Variants in SLC22A23 observed in about 807,000 individuals in gnomAD.
The protein encoded by SLC22A23 is solute carrier family 22 member 23.
In SLC22A23, 26 loss-of-function variants were observed where a neutral mutation model predicts 61.0. That is an observed-to-expected ratio of 0.43 (90% CI 0.31 to 0.59). The LOEUF is 0.59. Among genes scored for constraint, SLC22A23 ranks in the 20% least tolerant of loss-of-function variants. The pLI is 0.11. For synonymous variants in SLC22A23, 430 were observed against 413.9 expected (o/e 1.04, Z -0.47); for missense variants, 796 against 934.7 (o/e 0.85, Z 1.94).
intron 9 of SLC22A23, among the ~76,000 whole-genome samples, chr6:3,275,245 G>A (rs1758786403): frequency 6.6e-6 from 1 of 152,126 alleles, no homozygotes; most frequent in Non-Finnish European, 1.5e-5. Flanking sequence ...AGGTGGTGCT[G>A]GGACAACAGG....
chr6:3,323,399 G>A, intron 4 of SLC22A23: 1 of 455,384 alleles, frequency 2.2e-6, no homozygotes, highest in South Asian at 1.6e-5. Flanking sequence ...GTGGCCCACA[G>A]GCTGAAGGTT....
At chr6:3,303,492 A>G (rs1325777041) in intron 4 of SLC22A23, 2 of 152,242 alleles carry the variant, frequency 1.3e-5, no homozygotes, top group Non-Finnish European at 2.9e-5. Flanking sequence ...TGTGGTATAT[A>G]TACACAATGG....
chr6:3,360,538 C>T lies in SLC22A23; in HGVS notation c.914-36536G>A, dbSNP rs891474382. Among the ~76,000 whole-genome samples the T allele has an allele frequency of 1.3e-4, 20 of 152,240 alleles. No homozygotes were observed. Among genetic ancestry groups the T allele is most frequent in the Non-Finnish European group, 7.3e-5 (5 of 68,046 alleles). On this transcript the variant is annotated intron_variant, in intron 3 of 9. Coordinates refer to ENST00000406686, the MANE Select transcript of SLC22A23 (RefSeq NM_015482.2). The surrounding 1 kb of genome is among the most constrained non-coding windows in gnomAD (Gnocchi z 4.6). The stretch of plus-strand genomic sequence containing the variant: ...ATTCTCATAGTCGGGTTTCAGGCAA[C>T]GGCTCAACCGTGGAGGGAGGTCACT...
At chr6:3,284,869 G>A in intron 8 of SLC22A23, 1 of 1,526,922 alleles carries the variant, frequency 6.5e-7, no homozygotes, top group Non-Finnish European at 8.8e-7. Flanking sequence ...CACACAAACA[G>A]GGAAGCACCA....
chr6:3,336,186 C>A (rs924757828), intron 3 of SLC22A23, among the ~76,000 whole-genome samples: 3 of 152,076 alleles, frequency 2.0e-5, no homozygotes, highest in South Asian at 4.2e-4. Context: ...TCACCTAACT[C>A]AGCAGTTAAG....
intron 3 of SLC22A23, among the ~76,000 whole-genome samples, chr6:3,398,680 C>T (rs1313474398): frequency 6.6e-6 from 1 of 151,890 alleles, no homozygotes; most frequent in African/African-American, 2.4e-5. Context: ...TGCAACCCTC[C>T]CTGCCTCCTC....
chr6:3,391,069 G>A (rs139318491), intron 3 of SLC22A23, among the ~76,000 whole-genome samples: 61 of 152,242 alleles, frequency 4.0e-4, no homozygotes, highest in African/African-American at 1.2e-3. Flanking sequence ...CTTCTCTCAC[G>A]GAGCTACAAT....
rs1274491515 is a variant in SLC22A23, at chr6:3,334,509, T to TC, written c.914-10508dup. Among the ~76,000 whole-genome samples, 8 of 151,708 alleles carry TC rather than the reference T, an allele frequency of 5.3e-5. No individual in the cohort carries two copies. In the South Asian group the frequency reaches 1.0e-3, roughly 20 times the overall value. On this transcript the variant is annotated intron_variant, in intron 3 of 9. Transcript: ENST00000406686. ...AGCAGGCATGTGACTTTTTTTTTTT[T>TC]CAATGAAAAAAAAGAGTTCTTCCAA...
Position 3,286,637 on chromosome 6 carries a change from C to T in SLC22A23, c.1546+222G>A, listed in dbSNP as rs1760031674. On this transcript the variant is annotated intron_variant, in intron 7 of 9. Coordinates refer to ENST00000406686, the MANE Select transcript of SLC22A23 (RefSeq NM_015482.2). The surrounding 1 kb of genome is among the most constrained non-coding windows in gnomAD (Gnocchi z 4.2). ...CCAGGACTCGGAAGGAATCATGGTG[C>T]AGCCCGGGCCGGGGCAGGGGCAGGG... Among the ~76,000 whole-genome samples, 1 of 152,230 alleles carries T rather than the reference C, an allele frequency of 6.6e-6. No homozygotes were observed. The highest frequency in any genetic ancestry group is 2.4e-5 in the African/African-American group (1 of 41,462).
At chr6:3,296,031 A>G (rs1003341231) in intron 5 of SLC22A23, among the ~76,000 whole-genome samples, 51 of 152,246 alleles carry the variant, frequency 3.3e-4, no homozygotes, top group African/African-American at 1.1e-3. Flanking sequence ...AATCAGTGTA[A>G]TTAGGATTTG....
chr6:3,362,863 T>TG (rs60377252), intron 3 of SLC22A23, among the ~76,000 whole-genome samples: 106,738 of 152,032 alleles, frequency 0.7, 37,706 homozygotes, highest in East Asian at 0.84. Context: ...AATGGGGTGG[T>TG]GGGACAGGGG....
intron 3 of SLC22A23, among the ~76,000 whole-genome samples, chr6:3,335,587 C>T (rs1763807410): frequency 6.6e-6 from 1 of 152,180 alleles, no homozygotes; most frequent in Non-Finnish European, 1.5e-5. Context: ...GGTGACTCGA[C>T]AGGTCACACT....
intron 3 of SLC22A23, chr6:3,377,982 C>A (rs1327731219): frequency 1.3e-5 from 2 of 152,220 alleles, no homozygotes; most frequent in Non-Finnish European, 2.9e-5. Flanking sequence ...CTCCTGGGAG[C>A]AATTCCTCCA....
chr6:3,356,416 A>T (rs111712370), intron 3 of SLC22A23, among the ~76,000 whole-genome samples: 3 of 152,006 alleles, frequency 2.0e-5, no homozygotes, highest in African/African-American at 7.2e-5. Flanking sequence ...CAGCGACCTC[A>T]TCCAAGGGGC....
intron 2 of SLC22A23, among the ~76,000 whole-genome samples, chr6:3,415,066 T>G (rs915341692): frequency 6.6e-6 from 1 of 152,218 alleles, no homozygotes; most frequent in Non-Finnish European, 1.5e-5. Flanking sequence ...CATCTCCTAT[T>G]CGGGGTGTTG....
At position 3,456,396 on chromosome 6, in the gene SLC22A23, G is replaced by T; in HGVS notation, c.164C>A (p.Pro55Gln). ...GGGAEIQPLP[P>Q]LHPGGGPHPS... ...GTGCGGGCCGCCTCCAGGATGCAGT[G>T]GGGGCAGCGGCTGGATCTCCGCGCC... The change falls in exon 1 of 10, where the codon CCA becomes CAA. Residue 55 changes from proline (P) to glutamine (Q), a missense_variant. By Grantham distance (76) the Pro-to-Gln change is moderately conservative (BLOSUM62 -1). Coordinates refer to ENST00000406686, the MANE Select transcript of SLC22A23 (RefSeq NM_015482.2). The surrounding 1 kb of genome is among the most constrained non-coding windows in gnomAD (Gnocchi z 7.1). The T allele has an allele frequency of 6.6e-7, 1 of 1,511,032 alleles. No individual in the cohort carries two copies. The highest frequency in any genetic ancestry group is 1.8e-4 in the Middle Eastern group (1 of 5,634). The allele number at this position is 1,511,032 out of a possible 1,614,324, so 93.6% of individuals were successfully genotyped here.
chr6:3,420,500 A>C (rs992477911), intron 1 of SLC22A23, among the ~76,000 whole-genome samples: 1 of 152,152 alleles, frequency 6.6e-6, no homozygotes. Flanking sequence ...GGAAGCAAAT[A>C]GATTGCTTCT....
chr6:3,425,674 A>G (rs894362638), intron 1 of SLC22A23, among the ~76,000 whole-genome samples: 2 of 152,184 alleles, frequency 1.3e-5, no homozygotes, highest in African/African-American at 4.8e-5. Flanking sequence ...TTAAGTATCT[A>G]CCCTGTGCTA....
intron 1 of SLC22A23, chr6:3,432,363 G>GT: frequency 5.1e-6 from 5 of 985,456 alleles, no homozygotes; most frequent in Non-Finnish European, 4.8e-6. Flanking sequence ...AATGTTTAAT[G>GT]TTTTTTCCCC....
Sources: allele counts gnomAD v4.1 joint callset (sites outside exome capture counted in the v4.1 genomes callset), GRCh38; gene constraint gnomAD v4.1.1; non-coding constraint Gnocchi (gnomAD v3.1); transcripts MANE v1.5; gene names NCBI Gene and HGNC (gene_info 2026-07-23, HGNC 2026-07-21).